The following ADGRL3 variants were observed in gnomAD, a reference collection of about 807,000 sequenced individuals.
ADGRL3 encodes adhesion G protein-coupled receptor L3, also known as calcium-independent alpha-latrotoxin receptor 3.
A neutral mutation model predicts 153.5 loss-of-function variants in ADGRL3; 62 were observed. The ratio of observed to expected loss-of-function variants is 0.40; its 90% CI spans 0.33 to 0.50. The LOEUF is 0.50. Ranked by LOEUF, ADGRL3 falls within the 20% of genes least tolerant of loss-of-function variation. The pLI, the probability that ADGRL3 is intolerant of heterozygous loss-of-function variation, is 0.47. For synonymous variants in ADGRL3, 710 were observed against 672.5 expected, an observed-to-expected ratio of 1.06 and a Z score of -0.86; for missense variants, 1,641 against 1,859.4, an observed-to-expected ratio of 0.88 and a Z score of 2.16.
intron 6 of ADGRL3, among the ~76,000 whole-genome samples, chr4:61,705,489 A>G (rs2095842012): frequency 6.7e-6 from 1 of 148,524 alleles, no homozygotes; most frequent in African/African-American, 2.5e-5. Flanking sequence ...ATAGTTATAC[A>G]TATATTTTAT....
At chr4:61,423,366 A>G (rs1022964386) in intron 2 of ADGRL3, among the ~76,000 whole-genome samples, 1 of 152,202 alleles carries the variant, frequency 6.6e-6, no homozygotes, top group African/African-American at 2.4e-5. Flanking sequence ...CCCAGAGGCC[A>G]TGCACTTCCA....
intron 10 of ADGRL3, among the ~76,000 whole-genome samples, chr4:61,894,116 C>T (rs141926920): frequency 1.6e-3 from 244 of 152,202 alleles, no homozygotes; most frequent in African/African-American, 5.6e-3. Flanking sequence ...CTTATTGTTA[C>T]GTACATTGGT....
chr4:61,449,849 C>G (rs1045844502), intron 2 of ADGRL3, among the ~76,000 whole-genome samples: 2 of 152,140 alleles, frequency 1.3e-5, no homozygotes, highest in African/African-American at 4.8e-5. Flanking sequence ...CAATGGCAAC[C>G]TGAGTTTCTC....
intron 1 of ADGRL3, among the ~76,000 whole-genome samples, chr4:61,379,806 G>A (rs1205712740): frequency 6.6e-6 from 1 of 151,948 alleles, no homozygotes; most frequent in Non-Finnish European, 1.5e-5. Context: ...AGTAATCAGT[G>A]TCATGAAATT....
chr4:61,960,709 G>C (rs905256186), intron 17 of ADGRL3, among the ~76,000 whole-genome samples: 9 of 151,870 alleles, frequency 5.9e-5, no homozygotes, highest in African/African-American at 2.2e-4. Flanking sequence ...TTTTTGTTTT[G>C]TTTTGTTTTA....
chr4:61,842,823 A>T (rs2098053601), intron 9 of ADGRL3, among the ~76,000 whole-genome samples: 1 of 152,188 alleles, frequency 6.6e-6, no homozygotes, highest in Non-Finnish European at 1.5e-5. Context: ...CATTGAAAAG[A>T]TCAACTCAAT....
At chr4:61,510,593 T>G (rs993032008) in intron 3 of ADGRL3, among the ~76,000 whole-genome samples, 4 of 152,174 alleles carry the variant, frequency 2.6e-5, no homozygotes, top group African/African-American at 9.7e-5. Context: ...TATTTCTGGC[T>G]TCTCTATTCT....
chr4:61,893,267 C>T (rs1379692699), intron 10 of ADGRL3, among the ~76,000 whole-genome samples: 1 of 151,868 alleles, frequency 6.6e-6, no homozygotes, highest in Non-Finnish European at 1.5e-5. Context: ...GAAAATGTAA[C>T]CTGATTAAGT....
At chr4:61,758,862 T>C (rs1311381650) in intron 8 of ADGRL3, among the ~76,000 whole-genome samples, 2 of 152,252 alleles carry the variant, frequency 1.3e-5, no homozygotes, top group African/African-American at 2.4e-5. Context: ...GGAGCTCTTG[T>C]AGGGCAGGCC....
At chr4:61,505,271 T>A (rs888251982) in intron 3 of ADGRL3, among the ~76,000 whole-genome samples, 3 of 152,218 alleles carry the variant, frequency 2.0e-5, no homozygotes, top group Non-Finnish European at 4.4e-5. Flanking sequence ...TCTATTCACA[T>A]CTTTTGCTCA....
chr4:61,288,565 T>A (rs1049163010), intron 1 of ADGRL3, among the ~76,000 whole-genome samples: 2 of 152,020 alleles, frequency 1.3e-5, no homozygotes, highest in Non-Finnish European at 2.9e-5. Context: ...ACTCTATTTA[T>A]ATATTATTAG....
At chr4:61,757,408 A>G (rs917020751) in intron 8 of ADGRL3, among the ~76,000 whole-genome samples, 18 of 152,160 alleles carry the variant, frequency 1.2e-4, no homozygotes, top group African/African-American at 4.3e-4. Flanking sequence ...TTATTTGCAT[A>G]GAGGTGTTTA....
At chr4:61,894,088 C>A (rs1202623463) in intron 10 of ADGRL3, among the ~76,000 whole-genome samples, 1 of 152,062 alleles carries the variant, frequency 6.6e-6, no homozygotes, top group African/African-American at 2.4e-5. Flanking sequence ...TTTGCTTAAG[C>A]AAAGGTATTC....
chr4:62,053,426 A>AT (rs1735312267), intron 25 of ADGRL3, among the ~76,000 whole-genome samples: 2 of 151,504 alleles, frequency 1.3e-5, no homozygotes, highest in African/African-American at 4.8e-5. Context: ...TTCTCCTATG[A>AT]TTTTTTATAA....
chr4:61,258,626 T>C (rs147493584), intron 1 of ADGRL3, among the ~76,000 whole-genome samples: 179 of 152,288 alleles, frequency 1.2e-3, no homozygotes, highest in African/African-American at 4.1e-3. Context: ...AATGTTTATA[T>C]AGTCAGTGTA....
In ADGRL3 at chr4:62,077,046, T is replaced by C. The variant is rs1560594353; in HGVS notation, c.*6138T>C. On this transcript the variant is annotated 3_prime_UTR_variant, in exon 27 of 27. Coordinates refer to ENST00000683033, the MANE Select transcript of ADGRL3 (RefSeq NM_001387552.1). ...AAATATTACTCTCAAGTTCTCTGCC[T>C]TTAATTATTATAGTCAATTCATAAA... 6.6e-6 allele frequency: 1 copy of C among 151,950 alleles called. No individual in the cohort carries two copies. Among genetic ancestry groups the C allele is most frequent in the East Asian group, 1.9e-4 (1 of 5,192 alleles). The allele number at this position is 151,950 out of a possible 1,614,324, so 9.4% of individuals were successfully genotyped here.
intron 5 of ADGRL3, among the ~76,000 whole-genome samples, chr4:61,622,673 A>G (rs998161260): frequency 6.6e-6 from 1 of 152,192 alleles, no homozygotes; most frequent in Non-Finnish European, 1.5e-5. Context: ...TATGTGGATT[A>G]TCTCATTTAA....
At chr4:61,876,732 T>TA (rs1273491901) in intron 9 of ADGRL3, among the ~76,000 whole-genome samples, 25 of 149,632 alleles carry the variant, frequency 1.7e-4, no homozygotes, top group South Asian at 8.5e-4. Flanking sequence ...TAAAGTATAA[T>TA]AAAAAAAATA....
chr4:61,869,318 G>A (rs963181386), intron 9 of ADGRL3, among the ~76,000 whole-genome samples: 1 of 152,108 alleles, frequency 6.6e-6, no homozygotes, highest in African/African-American at 2.4e-5. Flanking sequence ...TAAAAATGAG[G>A]CCGGGCGCGG....
Sources: allele counts gnomAD v4.1 joint callset (sites outside exome capture counted in the v4.1 genomes callset), GRCh38; gene constraint gnomAD v4.1.1; transcripts MANE v1.5; gene names NCBI Gene and HGNC (gene_info 2026-07-23, HGNC 2026-07-21).